The following MTDH variants were observed in gnomAD, a reference collection of about 807,000 sequenced individuals.
MTDH encodes metadherin.
MTDH carries 34 observed loss-of-function variants against 72.7 expected under a neutral mutation model. That is an observed-to-expected ratio of 0.47 (90% CI 0.36 to 0.62). MTDH has a LOEUF of 0.62. MTDH is among the 20% of genes least tolerant of loss of function. The probability of loss-of-function intolerance (pLI) is 0.00; values close to 1 mark genes in which losing one functional copy is unlikely to be tolerated. For synonymous variants in MTDH, 266 were observed against 268.9 expected, an observed-to-expected ratio of 0.99 and a Z score of 0.10; for missense variants, 677 against 699.4, an observed-to-expected ratio of 0.97 and a Z score of 0.36.
intron 2 of MTDH, among the ~76,000 whole-genome samples, chr8:97,682,765 T>C (rs1813187881): frequency 6.6e-6 from 1 of 152,072 alleles, no homozygotes; most frequent in East Asian, 1.9e-4. Context: ...AAAAATCTTA[T>C]TTATATATAC....
intron 1 of MTDH, among the ~76,000 whole-genome samples, chr8:97,655,127 G>C (rs1206341092): frequency 6.6e-6 from 1 of 152,162 alleles, no homozygotes; most frequent in South Asian, 2.1e-4. Context: ...TGAAATTCCA[G>C]TGTTTGTCCA....
At chr8:97,711,930 T>G (rs969177693) in intron 8 of MTDH, among the ~76,000 whole-genome samples, 2 of 152,256 alleles carry the variant, frequency 1.3e-5, no homozygotes, top group African/African-American at 4.8e-5. Context: ...GAACTACCTT[T>G]TCACAGCTGG....
At chr8:97,687,181 T>C (rs1813400467) in intron 3 of MTDH, among the ~76,000 whole-genome samples, 1 of 152,092 alleles carries the variant, frequency 6.6e-6, no homozygotes. Flanking sequence ...TATATATCAC[T>C]TTTTCTAAAC....
In MTDH at chr8:97,672,707, G is replaced by T. The variant is rs1034086429; in HGVS notation, c.483+11534G>T. On this transcript the variant is annotated intron_variant, in intron 2 of 11. Coordinates refer to ENST00000336273, the MANE Select transcript of MTDH (RefSeq NM_178812.4). ...TGAAAAACGGTGAAATGGCAAATTT[G>T]GTTTTAAACATGCTTAGATTGTGGC... Among the ~76,000 whole-genome samples, 10 of 152,240 alleles carry T rather than the reference G, an allele frequency of 6.6e-5. No homozygotes were observed. The East Asian group carries it at 1.9e-3, about 29-fold the overall frequency.
In MTDH at chr8:97,729,077, GC is replaced by G. The variant is rs1486269597; in HGVS notation, c.*4409del. 7.4e-6 allele frequency among the ~76,000 whole-genome samples: 1 copy of G among 136,010 alleles called. No homozygotes were observed. Among genetic ancestry groups the G allele is most frequent in the African/African-American group, 3.0e-5 (1 of 32,802 alleles). 89.2% of individuals were successfully genotyped at this position (136,010 alleles called of 152,430 possible). A position where few individuals can be genotyped will look rare whatever the true frequency, so the allele number is the denominator to read the frequency against. ...TGGGACTACAGGTACACACCACCATGCCTGGCTAAATTTTTTTTTTTTTTTT... is the reference window on the plus strand; with the variant it reads ...TGGGACTACAGGTACACACCACCATGCTGGCTAAATTTTTTTTTTTTTTTT... On this transcript the variant is annotated 3_prime_UTR_variant, in exon 12 of 12. Transcript: ENST00000336273.
chr8:97,657,088 T>C (rs1272564957), intron 1 of MTDH, among the ~76,000 whole-genome samples: 2 of 152,066 alleles, frequency 1.3e-5, no homozygotes, highest in African/African-American at 2.4e-5. Context: ...TATATAGATA[T>C]CCTCATTCTG....
intron 9 of MTDH, among the ~76,000 whole-genome samples, chr8:97,717,310 T>A (rs1814914508): frequency 6.6e-6 from 1 of 152,218 alleles, no homozygotes; most frequent in South Asian, 2.1e-4. Context: ...AATACAGTAA[T>A]CCTTCTATTT....
At chr8:97,697,529 G>A (rs375067394) in intron 6 of MTDH, among the ~76,000 whole-genome samples, 66 of 151,652 alleles carry the variant, frequency 4.4e-4, no homozygotes, top group African/African-American at 1.5e-3. Flanking sequence ...GGTACTGCAG[G>A]CACGTGCCAC....
Position 97,716,668 on chromosome 8 carries a change from CA to C in MTDH, c.1381-2370del, listed in dbSNP as rs201656544. Among the ~76,000 whole-genome samples, 46 of 146,772 alleles carry C rather than the reference CA, an allele frequency of 3.1e-4. No homozygotes were observed. In the East Asian group the frequency reaches 3.2e-3, roughly 10 times the overall value. On this transcript the variant is annotated intron_variant, in intron 9 of 11. Coordinates refer to ENST00000336273, the MANE Select transcript of MTDH (RefSeq NM_178812.4). ...CCTGGACAACAGAGTGAGACTGTCTCAAAAAAAAAAATTATATTGTTTTTTC... is the reference window on the plus strand; with the variant it reads ...CCTGGACAACAGAGTGAGACTGTCTCAAAAAAAAAATTATATTGTTTTTTC...
At chr8:97,682,529 G>C (rs2130989202) in intron 2 of MTDH, among the ~76,000 whole-genome samples, 1 of 150,908 alleles carries the variant, frequency 6.6e-6, no homozygotes, top group East Asian at 2.0e-4. Flanking sequence ...TCAAATTCCT[G>C]ACCTCAGGTG....
chr8:97,697,150 A>ATATATATATTT, intron 6 of MTDH, among the ~76,000 whole-genome samples: 297 of 68,064 alleles, frequency 4.4e-3, no homozygotes, highest in Non-Finnish European at 5.2e-3. Context: ...ATATATATAT[A>ATATATATATTT]TTTTTTTTTT....
chr8:97,680,732 A>G lies in MTDH; in HGVS notation c.484-5936A>G, dbSNP rs909331250. 2.5e-4 allele frequency among the ~76,000 whole-genome samples: 38 copies of G among 152,162 alleles called. 1 individual carries two copies. Among genetic ancestry groups the G allele is most frequent in the African/African-American group, 8.7e-4 (36 of 41,452 alleles). ...CATTGAGTGATGTCTGTTTTGAATA[A>G]TTTCAGAGGTTTTGGGTTAAAGGTC... On this transcript the variant is annotated intron_variant, in intron 2 of 11. Transcript: ENST00000336273.
At chr8:97,648,054 A>T (rs568872608) in intron 1 of MTDH, among the ~76,000 whole-genome samples, 1 of 152,224 alleles carries the variant, frequency 6.6e-6, no homozygotes, top group East Asian at 1.9e-4. Flanking sequence ...CCTGTTTTCA[A>T]ATTTTTCATT....
chr8:97,652,616 G>C (rs1811817613), intron 1 of MTDH, among the ~76,000 whole-genome samples: 1 of 152,168 alleles, frequency 6.6e-6, no homozygotes, highest in African/African-American at 2.4e-5. Flanking sequence ...GTAATTATTT[G>C]TTGAACTAAA....
chr8:97,660,164 AAAAG>A (rs1378375639), intron 1 of MTDH, among the ~76,000 whole-genome samples: 5 of 152,198 alleles, frequency 3.3e-5, no homozygotes, highest in Admixed American at 2.0e-4. Flanking sequence ...CGTCTCAAAA[AAAAG>A]GTAAAAAAAG....
At chr8:97,652,300 C>T (rs4448244) in intron 1 of MTDH, among the ~76,000 whole-genome samples, 19,592 of 152,220 alleles carry the variant, frequency 0.13, 1,648 homozygotes, top group East Asian at 0.33. Flanking sequence ...GTTCTTGAAA[C>T]TCTTTCACAA....
At position 97,644,265 on chromosome 8, in the gene MTDH, C is replaced by G; in HGVS notation, c.-242C>G. ...GCCGCTTAGCGGCCGCCACTGGAGA[C>G]ACTCCCTCCCGCCTCCCGGGTCTCC... On this transcript the variant is annotated 5_prime_UTR_variant, in exon 1 of 12. Coordinates refer to ENST00000336273, the MANE Select transcript of MTDH (RefSeq NM_178812.4). 1.9e-6 allele frequency: 1 copy of G among 536,244 alleles called. No homozygotes were observed. The highest frequency in any genetic ancestry group is 3.2e-6 in the Non-Finnish European group (1 of 313,596). The allele number at this position is 536,244 out of a possible 1,614,324, so 33.2% of individuals were successfully genotyped here. A position where few individuals can be genotyped will look rare whatever the true frequency, so the allele number is the denominator to read the frequency against.
intron 1 of MTDH, among the ~76,000 whole-genome samples, chr8:97,645,442 C>T (rs982301571): frequency 1.3e-5 from 2 of 152,158 alleles, no homozygotes; most frequent in Non-Finnish European, 2.9e-5. Flanking sequence ...AATGGTTGCC[C>T]ATTCTTGTTC....
intron 11 of MTDH, among the ~76,000 whole-genome samples, chr8:97,724,350 G>GT (rs1050925194): frequency 3.3e-5 from 5 of 151,858 alleles, no homozygotes; most frequent in Admixed American, 2.6e-4. Flanking sequence ...TTAAATAACA[G>GT]TTTTTTTGGG....
Sources: allele counts gnomAD v4.1 joint callset (sites outside exome capture counted in the v4.1 genomes callset), GRCh38; gene constraint gnomAD v4.1.1; transcripts MANE v1.5; gene names NCBI Gene and HGNC (gene_info 2026-07-23, HGNC 2026-07-21).